Variants in SDK2 observed in about 807,000 individuals in gnomAD.
SDK2 encodes the protein sidekick cell adhesion molecule 2.
SDK2 carries 105 observed loss-of-function variants against 253.9 expected under a neutral mutation model. The ratio of observed to expected loss-of-function variants is 0.41; its 90% confidence interval spans 0.35 to 0.49. The LOEUF (loss-of-function observed/expected upper bound fraction) is 0.49. Ranked by LOEUF, SDK2 falls within the 20% of genes least tolerant of loss-of-function variation. SDK2 has a pLI of 0.06. For missense variants in SDK2, 2,608 were observed against 3,003.0 expected (o/e 0.87, Z 3.07); for synonymous variants, 1,249 against 1,234.9 (o/e 1.01, Z -0.24).
rs1410380205 is a variant in SDK2 at position 73,393,537 on chromosome 17, A to G, written c.3898+23T>C. ...GGGCGGCTCCTCCCAGCCTTCCCCAAGCTTGCTGGGATACGGACTCACCAT... is the reference window on the plus strand; with the variant it reads ...GGGCGGCTCCTCCCAGCCTTCCCCAGGCTTGCTGGGATACGGACTCACCAT... On this transcript the variant is annotated intron_variant, in intron 27 of 44. Transcript: ENST00000392650. 22 of 1,507,506 alleles carry G rather than the reference A, an allele frequency of 1.5e-5. No homozygotes were observed. In the South Asian group the frequency reaches 2.6e-4, roughly 18 times the overall value. The allele number at this position is 1,507,506 out of a possible 1,614,324, so 93.4% of individuals were successfully genotyped here. A position where few individuals can be genotyped will look rare whatever the true frequency, so the allele number is the denominator to read the frequency against.
At chr17:73,342,223 CA>C (rs2062443806) in intron 44 of SDK2, among the ~76,000 whole-genome samples, 1 of 152,112 alleles carries the variant, frequency 6.6e-6, no homozygotes, top group African/African-American at 2.4e-5. Flanking sequence ...CTGCAGCAGA[CA>C]CTCCCCCGCC....
At chr17:73,477,928 A>G (rs1268087138) in intron 2 of SDK2, among the ~76,000 whole-genome samples, 1 of 152,218 alleles carries the variant, frequency 6.6e-6, no homozygotes, top group Non-Finnish European at 1.5e-5. Flanking sequence ...GGGAGCCAGC[A>G]CACACCTGCA....
At chr17:73,519,851 C>T (rs2064062075) in intron 1 of SDK2, 1 of 152,172 alleles carries the variant, frequency 6.6e-6, no homozygotes, top group Non-Finnish European at 1.5e-5. Flanking sequence ...GAGATGGAGC[C>T]ACCGCTGAGG....
At chr17:73,544,003 G>T (rs1344942738) in intron 1 of SDK2, among the ~76,000 whole-genome samples, 1 of 152,204 alleles carries the variant, frequency 6.6e-6, no homozygotes, top group Non-Finnish European at 1.5e-5. Flanking sequence ...CCTTCAGCAT[G>T]GTCTTGAAGA....
At chr17:73,545,056 G>A (rs1479361924) in intron 1 of SDK2, among the ~76,000 whole-genome samples, 2 of 141,958 alleles carry the variant, frequency 1.4e-5, no homozygotes, top group Non-Finnish European at 3.1e-5. Context: ...TTCATAGTAT[G>A]TGGTTTTGCC....
At chr17:73,409,510 A>C (rs758647331) in intron 18 of SDK2, among the ~76,000 whole-genome samples, 9 of 152,026 alleles carry the variant, frequency 5.9e-5, no homozygotes, top group African/African-American at 2.2e-4. Flanking sequence ...TGCCCCTGTA[A>C]TCCCAGCTAC....
chr17:73,339,902 A>G (rs1257902269), intron 44 of SDK2, among the ~76,000 whole-genome samples: 1 of 142,942 alleles, frequency 7.0e-6, no homozygotes, highest in African/African-American at 2.6e-5. Context: ...ACGCAGTTTC[A>G]CTCTTGTTGC....
rs2062852333 is a variant in SDK2 at position 73,383,955 on chromosome 17, C to G, written c.4626G>C (p.Arg1542=). The change falls in exon 33 of 45, where the codon CGG becomes CGC. Residue 1542 remains arginine, a synonymous_variant. Coordinates refer to ENST00000392650, the MANE Select transcript of SDK2 (RefSeq NM_001144952.2). The surrounding 1 kb of genome is among the most constrained non-coding windows in gnomAD (Gnocchi z 4.3). The part of the protein sequence containing the change: ...GILLGFRIRY[R]ELLYEGLRGF... ...CCCTCAGTCCTTCATAGAGCAGCTC[C>G]CGGTATCGGATCCGGAAGCCCAGGA... The G allele has an allele frequency of 6.2e-7, 1 of 1,613,798 alleles. No individual in the cohort carries two copies.
intron 1 of SDK2, among the ~76,000 whole-genome samples, chr17:73,562,316 C>T (rs1420061012): frequency 6.6e-6 from 1 of 152,158 alleles, no homozygotes; most frequent in African/African-American, 2.4e-5. Context: ...GGAATTTTTG[C>T]ATTAATTTGC....
chr17:73,506,023 C>T (rs1458023153), intron 2 of SDK2, among the ~76,000 whole-genome samples: 1 of 152,244 alleles, frequency 6.6e-6, no homozygotes, highest in East Asian at 1.9e-4. Flanking sequence ...CTCTCCTCCT[C>T]CCCTCCTCCT....
rs760479146 is a variant in SDK2, at chr17:73,350,643, C to T, written c.5899+7G>A. Reference sequence around the variant, plus strand: ...CCAGCCAGCATGGCTGGTGCCAGCTCACTCACCCGAGTCTGTCTTCTTGGC... The same window carrying T: ...CCAGCCAGCATGGCTGGTGCCAGCTTACTCACCCGAGTCTGTCTTCTTGGC... On this transcript the variant is annotated splice_region_variant and intron_variant, in intron 42 of 44. Coordinates refer to ENST00000392650, the MANE Select transcript of SDK2 (RefSeq NM_001144952.2). 4 of 1,608,464 alleles carry T rather than the reference C, an allele frequency of 2.5e-6. No individual in the cohort carries two copies. In the Admixed American group the frequency reaches 5.1e-5, roughly 21 times the overall value.
intron 40 of SDK2, among the ~76,000 whole-genome samples, chr17:73,355,176 T>TATA (rs1568363071): frequency 0.015 from 86 of 5,790 alleles, 2 homozygotes; most frequent in African/African-American, 0.037. Flanking sequence ...ATATATATAT[T>TATA]TTTTTTTTTT....
Position 73,507,420 on chromosome 17 carries a change from CG to C in SDK2, c.224+17del, listed in dbSNP as rs546849633. The C allele has an allele frequency of 1.1e-3, 1,704 of 1,545,314 alleles. 1 individual carries two copies. The highest frequency in any genetic ancestry group is 1.3e-3 in the Non-Finnish European group (1,506 of 1,142,932). ...TGGTCCTGGCAGCCAGGAGGAAGGGCGGGGAGGGGCAGTTTACCTGTATTCC... is the reference window on the plus strand; with the variant it reads ...TGGTCCTGGCAGCCAGGAGGAAGGGCGGGAGGGGCAGTTTACCTGTATTCC... On this transcript the variant is annotated intron_variant, in intron 2 of 44. Coordinates refer to ENST00000392650, the MANE Select transcript of SDK2 (RefSeq NM_001144952.2).
intron 37 of SDK2, among the ~76,000 whole-genome samples, chr17:73,367,726 A>T (rs1210730574): frequency 6.6e-6 from 1 of 151,190 alleles, no homozygotes; most frequent in African/African-American, 2.4e-5. Context: ...CTGGTCTTAA[A>T]CTCCTGACCT....
intron 1 of SDK2, among the ~76,000 whole-genome samples, chr17:73,621,359 TTCTC>T (rs1170707014): frequency 6.6e-6 from 1 of 152,158 alleles, no homozygotes; most frequent in Non-Finnish European, 1.5e-5. Flanking sequence ...AGAATCTAGA[TTCTC>T]TCTGACTTAT....
chr17:73,435,719 G>T lies in SDK2; in HGVS notation c.1001-75C>A. ...CGCCTAGGAGGGGTGCTTGGGAGGA[G>T]GCCGGGCCCGGAAATCTGCGAGGGG... On this transcript the variant is annotated intron_variant, in intron 8 of 44. Transcript: ENST00000392650. The surrounding 1 kb of genome is among the most constrained non-coding windows in gnomAD (Gnocchi z 5.7). 1.5e-6 allele frequency: 2 copies of T among 1,361,884 alleles called. No individual in the cohort carries two copies. Among genetic ancestry groups the T allele is most frequent in the Non-Finnish European group, 2.0e-6 (2 of 1,017,896 alleles). 84.4% of individuals were successfully genotyped at this position (1,361,884 alleles called of 1,614,324 possible).
At chr17:73,356,596 G>A (rs1393817118) in intron 40 of SDK2, among the ~76,000 whole-genome samples, 1 of 152,184 alleles carries the variant, frequency 6.6e-6, no homozygotes, top group Non-Finnish European at 1.5e-5. Context: ...CACAGAAGAA[G>A]GGGCAGGGGG....
chr17:73,470,465 G>A (rs554400646), intron 3 of SDK2, among the ~76,000 whole-genome samples: 1 of 152,294 alleles, frequency 6.6e-6, no homozygotes, highest in East Asian at 1.9e-4. Flanking sequence ...TCTCTCTAGA[G>A]GCCCAGCCTC....
At chr17:73,341,763 G>A (rs1179281329) in intron 44 of SDK2, among the ~76,000 whole-genome samples, 2 of 152,116 alleles carry the variant, frequency 1.3e-5, no homozygotes, top group Non-Finnish European at 1.5e-5. Context: ...TACATCTCGA[G>A]GGATGTAGCT....
Sources: gnomAD v4.1 joint callset for allele counts (sites outside exome capture counted in the v4.1 genomes callset) on GRCh38, gnomAD v4.1.1 for gene constraint, Gnocchi (gnomAD v3.1) non-coding constraint, MANE v1.5 for transcripts, NCBI Gene and HGNC (gene_info 2026-07-23, HGNC 2026-07-21) for gene names.